CTNND2: variants seen among roughly 807,000 people sequenced by gnomAD.
CTNND2 encodes catenin delta-2.
In CTNND2, 22 loss-of-function variants were observed where a neutral mutation model predicts 144.4. That is an observed-to-expected ratio of 0.15 (90% CI 0.11 to 0.22). The LOEUF (loss-of-function observed/expected upper bound fraction) is 0.22, where lower values mean the gene tolerates loss of function less well. Ranked by LOEUF, CTNND2 falls within the 10% of genes least tolerant of loss-of-function variation. The pLI is 1.00. For missense variants in CTNND2, 1,353 were observed against 1,618.8 expected (o/e 0.84, Z 2.82); for synonymous variants, 751 against 695.6 (o/e 1.08, Z -1.25).
At chr5:11,328,908 C>A (rs1223751079) in intron 9 of CTNND2, among the ~76,000 whole-genome samples, 1 of 152,154 alleles carries the variant, frequency 6.6e-6, no homozygotes, top group Non-Finnish European at 1.5e-5. Context: ...GCAAAATATC[C>A]CAGATTTGGT....
intron 19 of CTNND2, among the ~76,000 whole-genome samples, chr5:10,992,171 G>C (rs1310006515): frequency 2.0e-5 from 3 of 152,194 alleles, no homozygotes; most frequent in Non-Finnish European, 4.4e-5. Flanking sequence ...GCCTGCCTCA[G>C]CCTCTTAACA....
chr5:11,016,199 T>C (rs906071497), intron 18 of CTNND2, among the ~76,000 whole-genome samples: 1 of 152,180 alleles, frequency 6.6e-6, no homozygotes, highest in Non-Finnish European at 1.5e-5. Flanking sequence ...CTGGAACCAA[T>C]CCCCTGTGTA....
chr5:11,720,033 T>G (rs775170105), intron 2 of CTNND2, among the ~76,000 whole-genome samples: 1 of 152,168 alleles, frequency 6.6e-6, no homozygotes, highest in Admixed American at 6.5e-5. Context: ...AAGAATTGCA[T>G]CTCAGCACAT....
intron 9 of CTNND2, among the ~76,000 whole-genome samples, chr5:11,329,322 T>C (rs556468609): frequency 1.0e-3 from 156 of 152,246 alleles, no homozygotes; most frequent in African/African-American, 3.6e-3. Flanking sequence ...ACGCGGCTAA[T>C]ATTTATATTT....
Position 11,879,339 on chromosome 5 carries a change from G to GTATATATATATATATA in CTNND2, c.37+24477_37+24478insTATATATATATATATA, listed in dbSNP as rs368634452. On this transcript the variant is annotated intron_variant, in intron 1 of 21. Transcript: ENST00000304623. ...TCAAGTGTATTAAAAAATTAAATGT[G>GTATATATATATATATA]TGTATATATATATATATACATATAC... is the stretch of plus-strand genomic sequence containing the variant. Among the ~76,000 whole-genome samples the GTATATATATATATATA allele has an allele frequency of 4.8e-3, 484 of 100,968 alleles. 35 individuals are homozygous for GTATATATATATATATA. Among genetic ancestry groups the GTATATATATATATATA allele is most frequent in the South Asian group, 0.012 (32 of 2,610 alleles). The allele number at this position is 100,968 out of a possible 152,430, so 66.2% of individuals were successfully genotyped here. A position where few individuals can be genotyped will look rare whatever the true frequency, so the allele number is the denominator to read the frequency against.
At chr5:11,008,572 A>G (rs1256265182) in intron 18 of CTNND2, among the ~76,000 whole-genome samples, 9 of 152,282 alleles carry the variant, frequency 5.9e-5, no homozygotes, top group Non-Finnish European at 1.2e-4. Context: ...ATGTTAATGT[A>G]ATTTTCTTAT....
intron 10 of CTNND2, among the ~76,000 whole-genome samples, chr5:11,215,147 C>G (rs891790656): frequency 6.6e-6 from 1 of 152,136 alleles, no homozygotes; most frequent in African/African-American, 2.4e-5. Flanking sequence ...TGCAATATGT[C>G]TGATTGGAAC....
chr5:11,805,657 T>C (rs983982391), intron 1 of CTNND2, among the ~76,000 whole-genome samples: 4 of 151,916 alleles, frequency 2.6e-5, no homozygotes, highest in Non-Finnish European at 5.9e-5. Context: ...ACATAAAGTA[T>C]AAAATAAATA....
In CTNND2 at chr5:11,871,997, T is replaced by C. The variant is rs140784988; in HGVS notation, c.37+31820A>G. ...TTGCTGCATCCATCAACCTGTCATC[T>C]ACATTAGGTATTTCTCCTAATGCTA... On this transcript the variant is annotated intron_variant, in intron 1 of 21. Coordinates refer to ENST00000304623, the MANE Select transcript of CTNND2 (RefSeq NM_001332.4). Among the ~76,000 whole-genome samples the C allele has an allele frequency of 3.1e-3, 470 of 152,272 alleles. 3 individuals are homozygous for C. The highest frequency in any genetic ancestry group is 0.011 in the African/African-American group (440 of 41,548).
chr5:11,639,441 T>C (rs983592299), intron 2 of CTNND2, among the ~76,000 whole-genome samples: 1 of 152,168 alleles, frequency 6.6e-6, no homozygotes, highest in Non-Finnish European at 1.5e-5. Context: ...GCACTGATTA[T>C]ACAACACTTA....
intron 9 of CTNND2, among the ~76,000 whole-genome samples, chr5:11,283,705 A>AG (rs1554020547): frequency 9.7e-5 from 12 of 123,364 alleles, no homozygotes; most frequent in South Asian, 2.6e-4. Context: ...AAAAAAAAAA[A>AG]AGAGAGAGAC....
chr5:11,876,571 A>T lies in CTNND2; in HGVS notation c.37+27246T>A, dbSNP rs1270457775. On this transcript the variant is annotated intron_variant, in intron 1 of 21. Transcript: ENST00000304623. Reference sequence around the variant, plus strand: ...TTAAAAAGCACATAAATATTTAAACAAAAGAGAAGGATTACTTTGCAAGGG... The same window carrying T: ...TTAAAAAGCACATAAATATTTAAACTAAAGAGAAGGATTACTTTGCAAGGG... Among the ~76,000 whole-genome samples the T allele has an allele frequency of 2.0e-5, 3 of 152,188 alleles. No individual in the cohort carries two copies. The East Asian group carries it at 5.8e-4, about 29-fold the overall frequency.
intron 12 of CTNND2, among the ~76,000 whole-genome samples, chr5:11,138,919 C>G (rs1450889822): frequency 1.3e-5 from 2 of 152,118 alleles, no homozygotes; most frequent in African/African-American, 2.4e-5. Context: ...AATCATCTCC[C>G]CAAGAAGCTG....
In CTNND2 at chr5:11,593,435, C is replaced by G. The variant is rs149036363; in HGVS notation, c.175-28379G>C. The stretch of plus-strand genomic sequence containing the variant: ...GAAAACAACCACATGACCCATGTGG[C>G]CAATAAATAAATTGGCAAACGATTG... On this transcript the variant is annotated intron_variant, in intron 2 of 21. Transcript: ENST00000304623. Among the ~76,000 whole-genome samples, 644 of 152,242 alleles carry G rather than the reference C, an allele frequency of 4.2e-3. 5 individuals carry two copies. Among genetic ancestry groups the G allele is most frequent in the Middle Eastern group, 0.017 (5 of 294 alleles).
At chr5:11,891,298 C>T (rs1364832478) in intron 1 of CTNND2, among the ~76,000 whole-genome samples, 1 of 152,082 alleles carries the variant, frequency 6.6e-6, no homozygotes, top group Non-Finnish European at 1.5e-5. Context: ...AATAAAATAG[C>T]TCAAAGAGCT....
At chr5:11,043,532 A>G (rs1744908952) in intron 16 of CTNND2, among the ~76,000 whole-genome samples, 1 of 152,220 alleles carries the variant, frequency 6.6e-6, no homozygotes, top group African/African-American at 2.4e-5. Flanking sequence ...AGATAGGTAG[A>G]AAAAACATAA....
chr5:11,152,008 A>G (rs892493722), intron 12 of CTNND2, among the ~76,000 whole-genome samples: 2 of 152,198 alleles, frequency 1.3e-5, no homozygotes, highest in Non-Finnish European at 2.9e-5. Context: ...AAAATTCCTA[A>G]CAGATACAAA....
chr5:11,548,507 C>A (rs1452893275), intron 3 of CTNND2, among the ~76,000 whole-genome samples: 3 of 152,240 alleles, frequency 2.0e-5, no homozygotes, highest in South Asian at 2.1e-4. Flanking sequence ...CAAACAAATT[C>A]TCTTTATAAT....
intron 2 of CTNND2, among the ~76,000 whole-genome samples, chr5:11,601,909 T>A (rs1376493763): frequency 1.3e-5 from 2 of 152,202 alleles, no homozygotes; most frequent in East Asian, 3.9e-4. Flanking sequence ...AGTAGTACTA[T>A]GTCTCAGAAC....
Sources: gnomAD v4.1 joint callset for allele counts (sites outside exome capture counted in the v4.1 genomes callset) on GRCh38, gnomAD v4.1.1 for gene constraint, MANE v1.5 for transcripts, NCBI Gene and HGNC (gene_info 2026-07-23, HGNC 2026-07-21) for gene names.